CASZ1: variants seen among roughly 807,000 people sequenced by gnomAD.
The protein encoded by CASZ1 is castor zinc finger 1.
CASZ1 carries 28 observed loss-of-function variants against 135.2 expected under a neutral mutation model. The observed-to-expected ratio is 0.21, with a 90% CI of 0.15 to 0.28. The LOEUF (loss-of-function observed/expected upper bound fraction) is 0.28. Ranked by LOEUF, CASZ1 falls within the 10% of genes least tolerant of loss-of-function variation. The pLI, the probability that CASZ1 is intolerant of heterozygous loss-of-function variation, is 1.00. For synonymous variants in CASZ1, 1,068 were observed against 1,073.4 expected (o/e 0.99, Z 0.10); for missense variants, 2,161 against 2,453.3 (o/e 0.88, Z 2.52).
intron 4 of CASZ1, among the ~76,000 whole-genome samples, chr1:10,675,554 G>C (rs983640205): frequency 6.6e-6 from 1 of 152,092 alleles, no homozygotes; most frequent in Non-Finnish European, 1.5e-5. Context: ...GGTCACATCC[G>C]GCCAACTCCG....
At chr1:10,772,831 C>G (rs1476223037) in intron 1 of CASZ1, among the ~76,000 whole-genome samples, 1 of 152,160 alleles carries the variant, frequency 6.6e-6, no homozygotes, top group East Asian at 1.9e-4. Flanking sequence ...TATGGGTGGG[C>G]TCAGTAAGGG....
At chr1:10,640,559 C>G (rs1642168675) in intron 20 of CASZ1, among the ~76,000 whole-genome samples, 1 of 152,234 alleles carries the variant, frequency 6.6e-6, no homozygotes, top group Non-Finnish European at 1.5e-5. Flanking sequence ...TGCCTACTCA[C>G]AGTAGGGGTG....
intron 1 of CASZ1, among the ~76,000 whole-genome samples, chr1:10,793,641 C>G (rs1641002259): frequency 6.6e-6 from 1 of 151,630 alleles, no homozygotes; most frequent in African/African-American, 2.4e-5. Flanking sequence ...TCGCTGGAAA[C>G]CTGATTACTG....
chr1:10,682,290 G>A (rs541236040), intron 4 of CASZ1, among the ~76,000 whole-genome samples: 1 of 152,252 alleles, frequency 6.6e-6, no homozygotes, highest in South Asian at 2.1e-4. Flanking sequence ...GGGGGGTGCC[G>A]GGACGGGGAG....
chr1:10,771,038 G>A (rs1640567639), intron 1 of CASZ1, among the ~76,000 whole-genome samples: 1 of 152,210 alleles, frequency 6.6e-6, no homozygotes, highest in Non-Finnish European at 1.5e-5. Flanking sequence ...GAACAAGGGG[G>A]ACAAAGACAA....
chr1:10,785,659 G>A (rs1640846119), intron 1 of CASZ1, among the ~76,000 whole-genome samples: 1 of 152,228 alleles, frequency 6.6e-6, no homozygotes, highest in South Asian at 2.1e-4. Flanking sequence ...TGGGGCAGGT[G>A]GGAAACCTCA....
intron 2 of CASZ1, among the ~76,000 whole-genome samples, chr1:10,732,452 T>C (rs1251660585): frequency 6.6e-6 from 1 of 151,988 alleles, no homozygotes; most frequent in African/African-American, 2.4e-5. Context: ...CTTGGGGAAC[T>C]AGGGGCAGAA....
At chr1:10,713,973 G>A (rs140004713) in intron 2 of CASZ1, among the ~76,000 whole-genome samples, 8 of 152,328 alleles carry the variant, frequency 5.3e-5, no homozygotes, top group Middle Eastern at 3.4e-3. Flanking sequence ...GGGTCCAGAG[G>A]CAGACTGTCC....
At chr1:10,772,966 G>A (rs767724406) in intron 1 of CASZ1, among the ~76,000 whole-genome samples, 20 of 152,184 alleles carry the variant, frequency 1.3e-4, no homozygotes, top group Admixed American at 2.0e-4. Flanking sequence ...GGGGGCTCCC[G>A]AAGGCTCTAG....
intron 2 of CASZ1, among the ~76,000 whole-genome samples, chr1:10,742,412 G>C (rs1024983981): frequency 2.6e-5 from 4 of 152,170 alleles, no homozygotes; most frequent in Non-Finnish European, 5.9e-5. Flanking sequence ...CGCGGGGCTT[G>C]GTGTGTAGCT....
chr1:10,787,738 A>G (rs1640884730), intron 1 of CASZ1, among the ~76,000 whole-genome samples: 1 of 151,986 alleles, frequency 6.6e-6, no homozygotes, highest in Non-Finnish European at 1.5e-5. Context: ...GGTAAATCTC[A>G]TCAGCAAGGC....
In CASZ1 at chr1:10,638,854, G is replaced by A; in HGVS notation, c.*88C>T. 1.0e-6 allele frequency: 1 copy of A among 978,276 alleles called. No individual in the cohort carries two copies. The highest frequency in any genetic ancestry group is 1.2e-6 in the Non-Finnish European group (1 of 824,230). 60.6% of individuals were successfully genotyped at this position (978,276 alleles called of 1,614,324 possible). A position where few individuals can be genotyped will look rare whatever the true frequency, so the allele number is the denominator to read the frequency against. The stretch of plus-strand genomic sequence containing the variant: ...GGTCCGGAAGCACCGGCGGGGCGCG[G>A]GGCTCTGCCCAGGGGCCGCTTCGCG... On this transcript the variant is annotated 3_prime_UTR_variant, in exon 21 of 21. Coordinates refer to ENST00000377022, the MANE Select transcript of CASZ1 (RefSeq NM_001079843.3). This position sits in a 1 kb window ranked among gnomAD's most constrained non-coding sequence, Gnocchi z 5.9.
rs1432907133 is a variant in CASZ1, at chr1:10,794,198, T to TGC, written c.-234+2364_-234+2365dup. 9.0e-4 allele frequency among the ~76,000 whole-genome samples: 127 copies of TGC among 140,934 alleles called. 2 individuals carry two copies. Among genetic ancestry groups the TGC allele is most frequent in the African/African-American group, 1.4e-3 (51 of 37,706 alleles). 92.5% of individuals were successfully genotyped at this position (140,934 alleles called of 152,430 possible). ...ATGCGTGTGTGTGTGTGTGTGTGTG[T>TGC]GCGCGCGCGCGCGCGTCGTGGGTTG... On this transcript the variant is annotated intron_variant, in intron 1 of 20. Coordinates refer to ENST00000377022, the MANE Select transcript of CASZ1 (RefSeq NM_001079843.3). The surrounding 1 kb of genome is among the most constrained non-coding windows in gnomAD (Gnocchi z 5.6).
At position 10,755,020 on chromosome 1, in the gene CASZ1, C is replaced by T. The variant is rs1003302054; in HGVS notation, c.-77+5681G>A. The stretch of plus-strand genomic sequence containing the variant: ...AGGCCCAGGCTCAGAAAAGCCCCTG[C>T]TTCGGAGGAAAGCCAAGGAGCCGGA... On this transcript the variant is annotated intron_variant, in intron 2 of 20. Coordinates refer to ENST00000377022, the MANE Select transcript of CASZ1 (RefSeq NM_001079843.3). This position sits in a 1 kb window ranked among gnomAD's most constrained non-coding sequence, Gnocchi z 4.3. 1.3e-5 allele frequency among the ~76,000 whole-genome samples: 2 copies of T among 152,232 alleles called. No homozygotes were observed. The highest frequency in any genetic ancestry group is 4.8e-5 in the African/African-American group (2 of 41,454).
intron 3 of CASZ1, among the ~76,000 whole-genome samples, chr1:10,702,753 G>T (rs1639089397): frequency 1.3e-5 from 2 of 152,176 alleles, no homozygotes; most frequent in Non-Finnish European, 2.9e-5. Context: ...CGGTGGCCTG[G>T]GCAAGAGAGA....
intron 1 of CASZ1, among the ~76,000 whole-genome samples, chr1:10,772,589 A>G (rs1640594978): frequency 6.6e-6 from 1 of 152,138 alleles, no homozygotes; most frequent in Non-Finnish European, 1.5e-5. Flanking sequence ...GGGTGTCTCC[A>G]AGTCCCTGTT....
Position 10,694,242 on chromosome 1 carries a change from G to C in CASZ1, c.-23-330C>G, listed in dbSNP as rs1638862637. ...CCCGCCGACCGCGCCCCGCGCCCGGGTCGCCGCCCGAGACCGCGGCCCCCG... is the reference window on the plus strand; with the variant it reads ...CCCGCCGACCGCGCCCCGCGCCCGGCTCGCCGCCCGAGACCGCGGCCCCCG... On this transcript the variant is annotated intron_variant, in intron 3 of 20. Coordinates refer to ENST00000377022, the MANE Select transcript of CASZ1 (RefSeq NM_001079843.3). This position sits in a 1 kb window ranked among gnomAD's most constrained non-coding sequence, Gnocchi z 6.6. The C allele has an allele frequency of 2.5e-6, 2 of 813,912 alleles. No homozygotes were observed. Among genetic ancestry groups the C allele is most frequent in the African/African-American group, 1.9e-5 (1 of 52,984 alleles). 50.4% of individuals were successfully genotyped at this position (813,912 alleles called of 1,614,324 possible). A position where few individuals can be genotyped will look rare whatever the true frequency, so the allele number is the denominator to read the frequency against.
rs1249350388 is a variant in CASZ1 at position 10,739,272 on chromosome 1, C to T, written c.-77+21429G>A. On this transcript the variant is annotated intron_variant, in intron 2 of 20. Coordinates refer to ENST00000377022, the MANE Select transcript of CASZ1 (RefSeq NM_001079843.3). This position sits in a 1 kb window ranked among gnomAD's most constrained non-coding sequence, Gnocchi z 4.8. Reference sequence around the variant, plus strand: ...GAGGGGGGTGTGTGCGCCTGGGGGTCACCCCTGCTGTCTCTCTGGGTAGGG... The same window carrying T: ...GAGGGGGGTGTGTGCGCCTGGGGGTTACCCCTGCTGTCTCTCTGGGTAGGG... Among the ~76,000 whole-genome samples, 3 of 152,100 alleles carry T rather than the reference C, an allele frequency of 2.0e-5. No individual in the cohort carries two copies. The highest frequency in any genetic ancestry group is 6.5e-5 in the Admixed American group (1 of 15,282).
chr1:10,795,192 G>T (rs192914468), intron 1 of CASZ1, among the ~76,000 whole-genome samples: 37 of 150,964 alleles, frequency 2.5e-4, no homozygotes, highest in Non-Finnish European at 4.6e-4. Context: ...ACTCGGTCTG[G>T]CCCGATCCCC....
Sources: allele counts gnomAD v4.1 joint callset (sites outside exome capture counted in the v4.1 genomes callset), GRCh38; gene constraint gnomAD v4.1.1; non-coding constraint Gnocchi (gnomAD v3.1); transcripts MANE v1.5; gene names NCBI Gene and HGNC (gene_info 2026-07-23, HGNC 2026-07-21).